Variants in CYP19A1 observed in about 807,000 individuals in gnomAD.
The protein encoded by CYP19A1 is aromatase.
In CYP19A1, 32 loss-of-function variants were observed where a neutral mutation model predicts 44.4. The ratio of observed to expected loss-of-function variants is 0.72; its 90% CI spans 0.54 to 0.97. The LOEUF (loss-of-function observed/expected upper bound fraction) is 0.97, where lower values mean the gene tolerates loss of function less well. CYP19A1 is among the 50% of genes least tolerant of loss of function. The pLI, the probability that CYP19A1 is intolerant of heterozygous loss-of-function variation, is 0.00. For missense variants in CYP19A1, 598 were observed against 637.8 expected, an observed-to-expected ratio of 0.94 and a Z score of 0.67; for synonymous variants, 212 against 215.6, an observed-to-expected ratio of 0.98 and a Z score of 0.14.
chr15:51,211,243 C>T (rs376326419), intron 9 of CYP19A1, among the ~76,000 whole-genome samples, 187 bp from the exon 10 acceptor site: 8 of 152,212 alleles, frequency 5.3e-5, no homozygotes, highest in African/African-American at 1.9e-4. Flanking sequence ...CATTCACCCC[C>T]TGTGTTCTGA....
chr15:51,224,825 T>G (rs1364541799), intron 4 of CYP19A1, among the ~76,000 whole-genome samples: 1 of 152,232 alleles, frequency 6.6e-6, no homozygotes, highest in Non-Finnish European at 1.5e-5. Flanking sequence ...GCCCTCCCCT[T>G]GGCCACGTCC....
In CYP19A1 at chr15:51,208,104, G is replaced by A. The variant is rs1057233228; in HGVS notation, c.*2704C>T. On this transcript the variant is annotated 3_prime_UTR_variant, in exon 10 of 10. Coordinates refer to ENST00000396402, the MANE Select transcript of CYP19A1 (RefSeq NM_000103.4). ...TATGTCTTTCTGCAAGAATAGGTGA[G>A]AGATTCAGTCCCAGAGCCCAGCTGA... The A allele has an allele frequency of 3.9e-5, 6 of 152,198 alleles. No homozygotes were observed. The highest frequency in any genetic ancestry group is 1.4e-4 in the African/African-American group (6 of 41,448). The allele number at this position is 152,198 out of a possible 1,614,324, so 9.4% of individuals were successfully genotyped here.
chr15:51,337,305 T>A (rs2036792721), intron 1 of CYP19A1, among the ~76,000 whole-genome samples: 1 of 152,158 alleles, frequency 6.6e-6, no homozygotes, highest in Non-Finnish European at 1.5e-5. Flanking sequence ...AGAACTAAAG[T>A]GTCAACTAAC....
At chr15:51,300,717 G>A (rs756621948) in intron 1 of CYP19A1, among the ~76,000 whole-genome samples, 9 of 152,122 alleles carry the variant, frequency 5.9e-5, no homozygotes, top group Non-Finnish European at 7.3e-5. Context: ...CCCTCCTACA[G>A]CAAACACGCT....
intron 1 of CYP19A1, among the ~76,000 whole-genome samples, chr15:51,302,360 T>G (rs1169325579): frequency 6.6e-6 from 1 of 152,190 alleles, no homozygotes; most frequent in Non-Finnish European, 1.5e-5. Context: ...CCCAAAGGTG[T>G]GTCATTGGCT....
At position 51,209,129 on chromosome 15, in the gene CYP19A1, C is replaced by T. The variant is rs1451924457; in HGVS notation, c.*1679G>A. On this transcript the variant is annotated 3_prime_UTR_variant, in exon 10 of 10. Coordinates refer to ENST00000396402, the MANE Select transcript of CYP19A1 (RefSeq NM_000103.4). ...CGTATTCAGGTACACAGGCATAGTC[C>T]ATATATTTTTAGGCCATATAGATGA... 1 of 152,136 alleles carries T rather than the reference C, an allele frequency of 6.6e-6. No individual in the cohort carries two copies. Among genetic ancestry groups the T allele is most frequent in the Non-Finnish European group, 1.5e-5 (1 of 68,018 alleles). 9.4% of individuals were successfully genotyped at this position (152,136 alleles called of 1,614,324 possible).
intron 2 of CYP19A1, among the ~76,000 whole-genome samples, chr15:51,239,791 C>T (rs967610281): frequency 2.0e-5 from 3 of 152,126 alleles, no homozygotes; most frequent in African/African-American, 7.2e-5. Context: ...AATTTGTCAC[C>T]GCACTGTCCA....
At chr15:51,246,623 G>T (rs1351675571) in intron 1 of CYP19A1, among the ~76,000 whole-genome samples, 1 of 152,128 alleles carries the variant, frequency 6.6e-6, no homozygotes, top group Non-Finnish European at 1.5e-5. Context: ...ATGACCTGGG[G>T]GTCTGAACAC....
Position 51,253,854 on chromosome 15 carries a change from G to A in CYP19A1, c.-38-10904C>T, listed in dbSNP as rs1006293510. Among the ~76,000 whole-genome samples the A allele has an allele frequency of 5.9e-5, 9 of 152,174 alleles. No individual in the cohort carries two copies. The East Asian group carries it at 1.5e-3, about 26-fold the overall frequency. On this transcript the variant is annotated intron_variant, in intron 1 of 9. Transcript: ENST00000396402. ...TACAAAGAGATATTAGCATACAGAC[G>A]AAAGGAGGCTTCACGTGAATGATGG... is the stretch of plus-strand genomic sequence containing the variant.
chr15:51,271,860 A>G (rs923957096), intron 1 of CYP19A1, among the ~76,000 whole-genome samples: 1 of 152,240 alleles, frequency 6.6e-6, no homozygotes, highest in Non-Finnish European at 1.5e-5. Flanking sequence ...CTTTTTACAT[A>G]ATAGGTGTTC....
At chr15:51,242,507 A>C (rs1378410175) in intron 2 of CYP19A1, among the ~76,000 whole-genome samples, 1 of 152,106 alleles carries the variant, frequency 6.6e-6, no homozygotes, top group Non-Finnish European at 1.5e-5. Flanking sequence ...TTTAAAGGGT[A>C]CTTGTGCCAA....
At chr15:51,264,505 CG>C in intron 1 of CYP19A1, among the ~76,000 whole-genome samples, 1 of 97,212 alleles carries the variant, frequency 1.0e-5, no homozygotes, top group Non-Finnish European at 2.0e-5. Flanking sequence ...GAAAGAGTAA[CG>C]ACGGTCAAGG....
At chr15:51,286,002 G>T (rs2035687168) in intron 1 of CYP19A1, among the ~76,000 whole-genome samples, 1 of 152,120 alleles carries the variant, frequency 6.6e-6, no homozygotes, top group Non-Finnish European at 1.5e-5. Context: ...CACCAGCTTT[G>T]TCAGGCATCT....
intron 1 of CYP19A1, among the ~76,000 whole-genome samples, chr15:51,269,868 GC>G (rs1476399137): frequency 6.6e-6 from 1 of 152,042 alleles, no homozygotes; most frequent in Non-Finnish European, 1.5e-5. Context: ...AAGCTTTTTG[GC>G]CTACTCCCGC....
chr15:51,251,415 C>G (rs769211413), intron 1 of CYP19A1, among the ~76,000 whole-genome samples: 1 of 152,164 alleles, frequency 6.6e-6, no homozygotes, highest in Non-Finnish European at 1.5e-5. Context: ...GCGCATCTAC[C>G]TGGATATGAT....
chr15:51,237,581 C>T (rs1013262493), intron 2 of CYP19A1, among the ~76,000 whole-genome samples: 2 of 152,106 alleles, frequency 1.3e-5, no homozygotes, highest in African/African-American at 4.8e-5. Flanking sequence ...AAAAAGACTC[C>T]GTTTAAGAAA....
chr15:51,326,553 A>C (rs1238706631), intron 1 of CYP19A1, among the ~76,000 whole-genome samples: 1 of 152,220 alleles, frequency 6.6e-6, no homozygotes, highest in African/African-American at 2.4e-5. Flanking sequence ...GATTTGTCCA[A>C]AATCATGCTA....
intron 1 of CYP19A1, among the ~76,000 whole-genome samples, chr15:51,285,164 C>G (rs1313576977): frequency 6.6e-6 from 1 of 152,212 alleles, no homozygotes. Flanking sequence ...CTGAGTGCCT[C>G]TCTACCCTGA....
At chr15:51,337,423 T>C (rs1011934195) in intron 1 of CYP19A1, among the ~76,000 whole-genome samples, 1 of 152,256 alleles carries the variant, frequency 6.6e-6, no homozygotes, top group African/African-American at 2.4e-5. Context: ...AAGTATTTTC[T>C]TATTAAAGCT....
Sources: allele counts gnomAD v4.1 joint callset (sites outside exome capture counted in the v4.1 genomes callset), GRCh38; gene constraint gnomAD v4.1.1; transcripts MANE v1.5; gene names NCBI Gene and HGNC (gene_info 2026-07-23, HGNC 2026-07-21).